The following CMTM8 variants were observed in gnomAD, a reference collection of about 807,000 sequenced individuals.
The protein encoded by CMTM8 is CKLF like MARVEL transmembrane domain containing 8.
Under a neutral mutation model 18.6 loss-of-function variants are expected in CMTM8, and 12 were observed. That is an observed-to-expected ratio of 0.65 (90% CI 0.41 to 1.05). CMTM8 has a LOEUF of 1.05. Ranked by LOEUF, CMTM8 falls within the 50% of genes least tolerant of loss-of-function variation. The pLI, the probability that CMTM8 is intolerant of heterozygous loss-of-function variation, is 0.00. For missense variants in CMTM8, 217 were observed against 227.2 expected, an observed-to-expected ratio of 0.95 and a Z score of 0.29; for synonymous variants, 87 against 90.6, an observed-to-expected ratio of 0.96 and a Z score of 0.23.
At chr3:32,339,256 C>T (rs952996223) in intron 1 of CMTM8, among the ~76,000 whole-genome samples, 2 of 152,212 alleles carry the variant, frequency 1.3e-5, no homozygotes, top group Non-Finnish European at 2.9e-5. Flanking sequence ...TGTCACAGTG[C>T]CGGTCTTTAG....
At chr3:32,300,516 C>T (rs1695594101) in intron 1 of CMTM8, among the ~76,000 whole-genome samples, 1 of 152,086 alleles carries the variant, frequency 6.6e-6, no homozygotes, top group African/African-American at 2.4e-5. Flanking sequence ...GGCTGAGAGG[C>T]AAGCAGGACA....
At chr3:32,279,167 AT>A (rs10671462) in intron 1 of CMTM8, among the ~76,000 whole-genome samples, 27 of 146,906 alleles carry the variant, frequency 1.8e-4, no homozygotes, top group East Asian at 6.0e-4. Flanking sequence ...ATAATTAGTG[AT>A]TTTTTTTTTT....
chr3:32,249,058 T>TTTTTTTTC (rs1702080448), intron 1 of CMTM8, among the ~76,000 whole-genome samples: 1 of 145,872 alleles, frequency 6.9e-6, no homozygotes, highest in African/African-American at 2.5e-5. Flanking sequence ...TTTTTTTTTT[T>TTTTTTTTC]GATACGGAGT....
intron 1 of CMTM8, among the ~76,000 whole-genome samples, chr3:32,343,709 T>G (rs991769615): frequency 6.7e-6 from 1 of 150,124 alleles, no homozygotes; most frequent in Non-Finnish European, 1.5e-5. Context: ...TTTGTTTTTG[T>G]TTTTGAGACG....
intron 1 of CMTM8, among the ~76,000 whole-genome samples, chr3:32,289,125 C>T (rs1702737006): frequency 6.6e-6 from 1 of 152,172 alleles, no homozygotes; most frequent in Non-Finnish European, 1.5e-5. Flanking sequence ...GAGATTGAAA[C>T]TTCTGTCTGA....
intron 1 of CMTM8, among the ~76,000 whole-genome samples, chr3:32,244,676 C>T (rs1046079701): frequency 3.9e-5 from 6 of 152,208 alleles, no homozygotes; most frequent in African/African-American, 1.2e-4. Flanking sequence ...CGTTTTCTGT[C>T]GTAAAGAAGT....
At chr3:32,364,663 G>A (rs925945407) in intron 2 of CMTM8, among the ~76,000 whole-genome samples, 11 of 152,306 alleles carry the variant, frequency 7.2e-5, no homozygotes, top group East Asian at 3.9e-4. Context: ...AATTTTCAGC[G>A]GTTTGGGTAT....
chr3:32,282,524 C>A (rs537976779), intron 1 of CMTM8, among the ~76,000 whole-genome samples: 1 of 152,258 alleles, frequency 6.6e-6, no homozygotes, highest in South Asian at 2.1e-4. Flanking sequence ...ATTCTTACCA[C>A]CTGCAGTATT....
intron 1 of CMTM8, among the ~76,000 whole-genome samples, chr3:32,283,296 C>G (rs1052263419): frequency 1.3e-5 from 2 of 152,104 alleles, no homozygotes; most frequent in Admixed American, 1.3e-4. Flanking sequence ...TCTTTTCCAC[C>G]TTGGGATAGT....
intron 1 of CMTM8, chr3:32,258,845 G>A (rs1357134551): frequency 1.8e-5 from 3 of 168,410 alleles, no homozygotes; most frequent in South Asian, 1.5e-4. Context: ...TTTTCCCCAT[G>A]TTGGGTGTCA....
intron 1 of CMTM8, among the ~76,000 whole-genome samples, chr3:32,355,694 A>G (rs1170393054): frequency 1.3e-5 from 2 of 152,186 alleles, no homozygotes; most frequent in Non-Finnish European, 2.9e-5. Context: ...CCCTTCGGAT[A>G]AAGCACAAAA....
At chr3:32,299,529 A>G (rs1695570943) in intron 1 of CMTM8, among the ~76,000 whole-genome samples, 1 of 152,244 alleles carries the variant, frequency 6.6e-6, no homozygotes, top group Admixed American at 6.5e-5. Context: ...TACCTGGGGT[A>G]CATGAGATGT....
At position 32,357,488 on chromosome 3, in the gene CMTM8, T is replaced by C. The variant is rs1279198469; in HGVS notation, c.263T>C (p.Leu88Pro). 1 of 1,614,038 alleles carries C rather than the reference T, an allele frequency of 6.2e-7. No homozygotes were observed. Among genetic ancestry groups the C allele is most frequent in the Non-Finnish European group, 8.5e-7 (1 of 1,180,012 alleles). Reference protein sequence around the residue: ...VFYWVLTVFFLIIYITMTYTR... With the variant: ...VFYWVLTVFFPIIYITMTYTR... ...TACTGGGTCCTCACCGTCTTCTTCC[T>C]CATTATCTACATAACAATGACCTAC... Residue 88 changes from leucine (L) to proline (P), a missense_variant, in exon 2 of 4, where the codon CTC becomes CCC. Transcript: ENST00000307526.
chr3:32,319,074 A>ATATATTTTTTT lies in CMTM8; in HGVS notation c.148-38298_148-38297insATATTTTTTTT. Among the ~76,000 whole-genome samples the ATATATTTTTTT allele has an allele frequency of 2.3e-3, 71 of 31,528 alleles. 2 individuals are homozygous for ATATATTTTTTT. The highest frequency in any genetic ancestry group is 6.9e-3 in the African/African-American group (45 of 6,550). The allele number at this position is 31,528 out of a possible 152,430, so 20.7% of individuals were successfully genotyped here. ...TGTATATACATATATATATATATAT[A>ATATATTTTTTT]TTTTTTTTTTTTTTTTTTTTTGAGA... On this transcript the variant is annotated intron_variant, in intron 1 of 3. Transcript: ENST00000307526.
At chr3:32,261,416 T>G (rs753206838) in intron 1 of CMTM8, among the ~76,000 whole-genome samples, 4 of 152,136 alleles carry the variant, frequency 2.6e-5, no homozygotes, top group Non-Finnish European at 5.9e-5. Context: ...TAAATTATAG[T>G]AGGAAAAACT....
At chr3:32,269,728 T>C (rs1702407472) in intron 1 of CMTM8, among the ~76,000 whole-genome samples, 1 of 152,224 alleles carries the variant, frequency 6.6e-6, no homozygotes, top group South Asian at 2.1e-4. Flanking sequence ...CCTTCTTTGT[T>C]TCACTAAAAC....
At chr3:32,325,218 G>A (rs778229268) in intron 1 of CMTM8, among the ~76,000 whole-genome samples, 13 of 152,160 alleles carry the variant, frequency 8.5e-5, no homozygotes, top group Non-Finnish European at 1.6e-4. Flanking sequence ...AGTTTTAGTG[G>A]GGGCATTGAT....
At chr3:32,306,975 G>A (rs964588502) in intron 1 of CMTM8, among the ~76,000 whole-genome samples, 2 of 152,288 alleles carry the variant, frequency 1.3e-5, no homozygotes, top group African/African-American at 4.8e-5. Context: ...TTGGGAGGCC[G>A]AGGTAGGTGG....
intron 1 of CMTM8, among the ~76,000 whole-genome samples, chr3:32,335,020 G>T (rs1272435244): frequency 1.3e-5 from 2 of 152,336 alleles, no homozygotes; most frequent in Admixed American, 1.3e-4. Context: ...ACATTTGGGG[G>T]CTGGGTCTCT....
Sources: gnomAD v4.1 joint callset for allele counts (sites outside exome capture counted in the v4.1 genomes callset) on GRCh38, gnomAD v4.1.1 for gene constraint, MANE v1.5 for transcripts, NCBI Gene and HGNC (gene_info 2026-07-23, HGNC 2026-07-21) for gene names.